ZNF474: variants seen among roughly 807,000 people sequenced by gnomAD.
ZNF474 encodes the protein 4933409D10Rik.
For synonymous variants in ZNF474, 192 were observed against 162.2 expected, an observed-to-expected ratio of 1.18 and a Z score of -1.39; for missense variants, 511 against 433.8, an observed-to-expected ratio of 1.18 and a Z score of -1.58.
intron 1 of ZNF474, among the ~76,000 whole-genome samples, chr5:122,137,914 G>T (rs550613201): frequency 7.2e-5 from 11 of 152,352 alleles, no homozygotes; most frequent in Non-Finnish European, 1.5e-4. Flanking sequence ...TCACCTATGT[G>T]GTTGAAACAG....
chr5:122,141,686 G>A (rs998403866), intron 1 of ZNF474, among the ~76,000 whole-genome samples: 6 of 151,624 alleles, frequency 4.0e-5, no homozygotes, highest in African/African-American at 1.2e-4. Flanking sequence ...TGATCTTCCC[G>A]CCTTGGCCTC....
At chr5:122,146,621 T>A (rs1755996575) in intron 1 of ZNF474, among the ~76,000 whole-genome samples, 1 of 152,144 alleles carries the variant, frequency 6.6e-6, no homozygotes, top group East Asian at 1.9e-4. Context: ...TATCTCTCAA[T>A]TAGTATTAGG....
At chr5:122,149,670 TCTTTA>T (rs1167966332) in intron 1 of ZNF474, among the ~76,000 whole-genome samples, 1 of 152,242 alleles carries the variant, frequency 6.6e-6, no homozygotes, top group African/African-American at 2.4e-5. Context: ...TGAGTCAGTT[TCTTTA>T]CTTATAAAGT....
rs148818492 is a variant in ZNF474, at chr5:122,153,233, T to G, written c.*148T>G. The G allele has an allele frequency of 2.8e-5, 27 of 959,684 alleles. No homozygotes were observed. Among genetic ancestry groups the G allele is most frequent in the Non-Finnish European group, 3.6e-5 (24 of 660,346 alleles). The allele number at this position is 959,684 out of a possible 1,614,324, so 59.4% of individuals were successfully genotyped here. A position where few individuals can be genotyped will look rare whatever the true frequency, so the allele number is the denominator to read the frequency against. ...TATACCTCTCTTGGCTGAATAGATA[T>G]AAGAACATCCTTGCCTGATGGGTTC... On this transcript the variant is annotated 3_prime_UTR_variant, in exon 2 of 2. Coordinates refer to ENST00000296600, the MANE Select transcript of ZNF474 (RefSeq NM_207317.3).
At position 122,140,690 on chromosome 5, in the gene ZNF474, A is replaced by C. The variant is rs371025898; in HGVS notation, c.-213+11007A>C. 8.9e-4 allele frequency among the ~76,000 whole-genome samples: 135 copies of C among 152,332 alleles called. 1 individual carries two copies. The highest frequency in any genetic ancestry group is 3.1e-3 in the African/African-American group (129 of 41,590). The stretch of plus-strand genomic sequence containing the variant: ...AGGGACCCCCATCTTTGGGACAGCT[A>C]CATCATGTTAATGCTATCATTAGTC... On this transcript the variant is annotated intron_variant, in intron 1 of 1. Coordinates refer to ENST00000296600, the MANE Select transcript of ZNF474 (RefSeq NM_207317.3).
At chr5:122,141,427 G>C (rs954893168) in intron 1 of ZNF474, among the ~76,000 whole-genome samples, 2 of 148,914 alleles carry the variant, frequency 1.3e-5, no homozygotes, top group African/African-American at 2.5e-5. Flanking sequence ...TTCTGCCTCA[G>C]TCTCCCAAGT....
At chr5:122,140,214 A>T (rs2152604512) in intron 1 of ZNF474, among the ~76,000 whole-genome samples, 1 of 152,340 alleles carries the variant, frequency 6.6e-6, no homozygotes. Context: ...TTCTTATTAA[A>T]AACAGCAGTA....
At position 122,152,668 on chromosome 5, in the gene ZNF474, A is replaced by T; in HGVS notation, c.678A>T (p.Ile226=). Residue 226 remains isoleucine, a synonymous_variant, in exon 2 of 2, where the codon ATA becomes ATT. Coordinates refer to ENST00000296600, the MANE Select transcript of ZNF474 (RefSeq NM_207317.3). ...GACCAAGGACTGTTATCTGCTACATATGTGGTAAGGAATTTGGCACCCTGT... is the reference window on the plus strand; with the variant it reads ...GACCAAGGACTGTTATCTGCTACATTTGTGGTAAGGAATTTGGCACCCTGT... ...PARPRTVICY[I]CGKEFGTLSL... 1.2e-6 allele frequency: 2 copies of T among 1,614,160 alleles called. No individual in the cohort carries two copies. The highest frequency in any genetic ancestry group is 2.2e-5 in the East Asian group (1 of 44,870).
chr5:122,134,414 A>T (rs1245404971), intron 1 of ZNF474, among the ~76,000 whole-genome samples: 1 of 152,168 alleles, frequency 6.6e-6, no homozygotes, highest in Non-Finnish European at 1.5e-5. Context: ...TAATAACTTG[A>T]TGTCTTAATG....
chr5:122,151,709 G>C lies in ZNF474; in HGVS notation c.-212-70G>C, dbSNP rs10062734. ...CACACACACAAAACAACCTAAATGT[G>C]TGTGTGTGTGTGTGTGTGTGTGTGT... On this transcript the variant is annotated intron_variant, in intron 1 of 1. Coordinates refer to ENST00000296600, the MANE Select transcript of ZNF474 (RefSeq NM_207317.3). 2.7e-3 allele frequency: 426 copies of C among 155,518 alleles called. 2 individuals carry two copies. The highest frequency in any genetic ancestry group is 0.012 in the South Asian group (99 of 8,020). 9.6% of individuals were successfully genotyped at this position (155,518 alleles called of 1,614,324 possible). A position where few individuals can be genotyped will look rare whatever the true frequency, so the allele number is the denominator to read the frequency against.
intron 1 of ZNF474, among the ~76,000 whole-genome samples, chr5:122,146,738 G>A (rs1486806072): frequency 2.6e-5 from 4 of 152,182 alleles, no homozygotes; most frequent in Admixed American, 2.0e-4. Flanking sequence ...TTCTATGATG[G>A]TTCCAGCATT....
At chr5:122,137,612 C>A (rs965962431) in intron 1 of ZNF474, among the ~76,000 whole-genome samples, 3 of 151,960 alleles carry the variant, frequency 2.0e-5, no homozygotes, top group Admixed American at 1.3e-4. Flanking sequence ...CCCAGTCCCT[C>A]CCCCAGTCTA....
At chr5:122,147,423 G>T (rs376624253) in intron 1 of ZNF474, among the ~76,000 whole-genome samples, 5 of 152,242 alleles carry the variant, frequency 3.3e-5, no homozygotes, top group African/African-American at 1.2e-4. Context: ...TGTGCACAAC[G>T]TGCAGTTTCG....
At chr5:122,151,717 G>T in intron 1 of ZNF474, 62 bp from the exon 2 acceptor site, 1 of 325,534 alleles carries the variant, frequency 3.1e-6, no homozygotes, top group Non-Finnish European at 5.7e-6. Context: ...GTGTGTGTGT[G>T]TGTGTGTGTG....
At position 122,153,173 on chromosome 5, in the gene ZNF474, C is replaced by T; in HGVS notation, c.*88C>T. 1.3e-6 allele frequency: 2 copies of T among 1,508,314 alleles called. No individual in the cohort carries two copies. The highest frequency in any genetic ancestry group is 1.4e-5 in the African/African-American group (1 of 71,570). The allele number at this position is 1,508,314 out of a possible 1,614,324, so 93.4% of individuals were successfully genotyped here. On this transcript the variant is annotated 3_prime_UTR_variant, in exon 2 of 2. Transcript: ENST00000296600. ...TGCCTTGTATCAGCCTCAAAGCAGC[C>T]TGTTCAAGTTAACTCCCTGTTGAAC...
intron 1 of ZNF474, among the ~76,000 whole-genome samples, chr5:122,133,115 T>A (rs1403709085): frequency 6.6e-6 from 1 of 152,134 alleles, no homozygotes; most frequent in East Asian, 1.9e-4. Context: ...ATAATCCCAG[T>A]GAAAAAAATA....
chr5:122,136,610 G>A (rs1451075082), intron 1 of ZNF474, among the ~76,000 whole-genome samples: 1 of 152,114 alleles, frequency 6.6e-6, no homozygotes, highest in Non-Finnish European at 1.5e-5. Context: ...ATGGTCCTTG[G>A]AGAGATTCTC....
At position 122,144,236 on chromosome 5, in the gene ZNF474, A is replaced by G. The variant is rs537940797; in HGVS notation, c.-212-7543A>G. ...TACTAATAAATATGTTGTATTTATA[A>G]CAATTATATCCTAGAAGACTTCAGT... On this transcript the variant is annotated intron_variant, in intron 1 of 1. Coordinates refer to ENST00000296600, the MANE Select transcript of ZNF474 (RefSeq NM_207317.3). 2.0e-5 allele frequency among the ~76,000 whole-genome samples: 3 copies of G among 152,352 alleles called. No homozygotes were observed. The South Asian group carries it at 6.2e-4, about 32-fold the overall frequency.
chr5:122,140,642 A>G (rs1403014733), intron 1 of ZNF474, among the ~76,000 whole-genome samples: 3 of 152,192 alleles, frequency 2.0e-5, no homozygotes, highest in African/African-American at 7.2e-5. Flanking sequence ...ATCCAAAGGG[A>G]GCATACAGGC....
Sources: allele counts gnomAD v4.1 joint callset (sites outside exome capture counted in the v4.1 genomes callset), GRCh38; gene constraint gnomAD v4.1.1; transcripts MANE v1.5; gene names NCBI Gene and HGNC (gene_info 2026-07-23, HGNC 2026-07-21).